Variants in SYTL3 observed in about 807,000 individuals in gnomAD.
SYTL3 encodes synaptotagmin like 3.
In SYTL3, 88 loss-of-function variants were observed where a neutral mutation model predicts 82.1. The ratio of observed to expected loss-of-function variants is 1.07; its 90% CI spans 0.90 to 1.28. SYTL3 has a LOEUF of 1.28. Among genes scored for constraint, SYTL3 ranks in the 50% most tolerant of loss-of-function variants. The probability of loss-of-function intolerance (pLI) is 0.00; values close to 1 mark genes in which losing one functional copy is unlikely to be tolerated. For synonymous variants in SYTL3, 311 were observed against 289.4 expected (o/e 1.07, Z -0.76); for missense variants, 831 against 757.6 (o/e 1.10, Z -1.14).
At chr6:158,729,112 T>C (rs780005441) in intron 11 of SYTL3, among the ~76,000 whole-genome samples, 1 of 152,214 alleles carries the variant, frequency 6.6e-6, no homozygotes, top group African/African-American at 2.4e-5. Context: ...TTGTGACGCA[T>C]GGTATAATAG....
intron 16 of SYTL3, 45 bp from the exon 17 acceptor site, chr6:158,763,259 G>T: frequency 6.3e-7 from 1 of 1,589,342 alleles, no homozygotes; most frequent in Non-Finnish European, 8.6e-7. Flanking sequence ...AGGAGAGAAG[G>T]CCGTGTGGAT....
At chr6:158,659,345 G>A (rs76270945) in intron 2 of SYTL3, among the ~76,000 whole-genome samples, 14,714 of 152,116 alleles carry the variant, frequency 0.097, 892 homozygotes, top group Non-Finnish European at 0.14. Flanking sequence ...GGAGTTGATC[G>A]TCTTAGTCTT....
intron 9 of SYTL3, among the ~76,000 whole-genome samples, chr6:158,714,871 G>C (rs13214272): frequency 0.3 from 46,310 of 152,066 alleles, 7,392 homozygotes; most frequent in African/African-American, 0.35. Flanking sequence ...TGAGCCCTGT[G>C]TCAGCTGTCA....
chr6:158,743,188 G>A (rs561779178), intron 11 of SYTL3, among the ~76,000 whole-genome samples: 1 of 152,286 alleles, frequency 6.6e-6, no homozygotes, highest in Non-Finnish European at 1.5e-5. Flanking sequence ...TGCAAGGAGA[G>A]TCAAGCAGGT....
chr6:158,703,137 G>C lies in SYTL3; in HGVS notation c.395-4093G>C, dbSNP rs1781521631. Among the ~76,000 whole-genome samples the C allele has an allele frequency of 9.1e-5, 12 of 132,178 alleles. No homozygotes were observed. In the Admixed American group the frequency reaches 1.1e-3, roughly 12 times the overall value. The allele number at this position is 132,178 out of a possible 152,430, so 86.7% of individuals were successfully genotyped here. A position where few individuals can be genotyped will look rare whatever the true frequency, so the allele number is the denominator to read the frequency against. On this transcript the variant is annotated intron_variant, in intron 6 of 17. Coordinates refer to ENST00000611299, the MANE Select transcript of SYTL3 (RefSeq NM_001242394.2). The stretch of plus-strand genomic sequence containing the variant: ...CCACTGTACTCCAGCCTGGGCGACA[G>C]AGCAAGACTCTGTCTTAAAAAAAAA...
chr6:158,648,514 C>A (rs1303833119), upstream of SYTL3, among the ~76,000 whole-genome samples: 2 of 150,994 alleles, frequency 1.3e-5, no homozygotes, highest in Non-Finnish European at 2.9e-5. Context: ...TAGCGTGAAC[C>A]CGGGAGGCGG....
chr6:158,763,257 A>C, intron 16 of SYTL3, 47 bp from the exon 17 acceptor site: 1 of 1,582,774 alleles, frequency 6.3e-7, no homozygotes, highest in Non-Finnish European at 8.7e-7. Context: ...TCAGGAGAGA[A>C]GGCCGTGTGG....
chr6:158,702,814 G>T (rs1463484395), intron 6 of SYTL3, among the ~76,000 whole-genome samples: 1 of 151,538 alleles, frequency 6.6e-6, no homozygotes, highest in Non-Finnish European at 1.5e-5. Flanking sequence ...TGTAGACGTT[G>T]TGACTTTGGG....
intron 11 of SYTL3, among the ~76,000 whole-genome samples, chr6:158,731,387 A>C (rs1453560120): frequency 6.6e-6 from 1 of 152,042 alleles, no homozygotes; most frequent in Non-Finnish European, 1.5e-5. Flanking sequence ...CTCATCAAAA[A>C]ATAAAAAGAA....
At chr6:158,688,998 A>G (rs946749545) in intron 6 of SYTL3, among the ~76,000 whole-genome samples, 15 of 152,262 alleles carry the variant, frequency 9.9e-5, no homozygotes, top group African/African-American at 3.6e-4. Context: ...GTCCATAAAT[A>G]TCATTGGCTA....
intron 6 of SYTL3, among the ~76,000 whole-genome samples, chr6:158,687,579 C>G (rs999831811): frequency 5.9e-5 from 9 of 152,304 alleles, no homozygotes; most frequent in African/African-American, 1.9e-4. Context: ...AATGGCGACA[C>G]CTCTCACTCT....
At chr6:158,736,278 G>A (rs1786151874) in intron 11 of SYTL3, among the ~76,000 whole-genome samples, 1 of 152,108 alleles carries the variant, frequency 6.6e-6, no homozygotes, top group South Asian at 2.1e-4. Flanking sequence ...ATGAACCCGG[G>A]AGGCAGAGTT....
intron 2 of SYTL3, among the ~76,000 whole-genome samples, chr6:158,655,928 G>A (rs1436633999): frequency 6.6e-6 from 1 of 152,170 alleles, no homozygotes; most frequent in Non-Finnish European, 1.5e-5. Context: ...GGAAGAGTGG[G>A]GCCGATGCGT....
Position 158,715,599 on chromosome 6 carries a change from T to TCACACACACACACACACGCACG in SYTL3, c.595+1725_595+1746dup, listed in dbSNP as rs1783284056. ...ATATGGAAAGCAGACTGAAACCGCATCACACACACACACACACGCACGCAC... is the reference window on the plus strand; with the variant it reads ...ATATGGAAAGCAGACTGAAACCGCATCACACACACACACACACGCACGCACACACACACACACACGCACGCAC... On this transcript the variant is annotated intron_variant, in intron 9 of 17. Transcript: ENST00000611299. Among the ~76,000 whole-genome samples, 8 of 116,442 alleles carry TCACACACACACACACACGCACG rather than the reference T, an allele frequency of 6.9e-5. No individual in the cohort carries two copies. The Admixed American group carries it at 6.9e-4, about 10-fold the overall frequency. 76.4% of individuals were successfully genotyped at this position (116,442 alleles called of 152,430 possible). A position where few individuals can be genotyped will look rare whatever the true frequency, so the allele number is the denominator to read the frequency against.
intron 11 of SYTL3, among the ~76,000 whole-genome samples, chr6:158,733,767 T>C (rs1054223650): frequency 4.6e-5 from 7 of 151,874 alleles, no homozygotes; most frequent in African/African-American, 1.7e-4. Context: ...TTCCCTCCAT[T>C]GTTCAGGTGT....
At chr6:158,706,815 T>A (rs1782153850) in intron 6 of SYTL3, among the ~76,000 whole-genome samples, 1 of 152,234 alleles carries the variant, frequency 6.6e-6, no homozygotes, top group Admixed American at 6.5e-5. Flanking sequence ...TTAATCTTCA[T>A]CACAAGGCAA....
chr6:158,683,444 C>T (rs1304711166), intron 6 of SYTL3, among the ~76,000 whole-genome samples: 2 of 152,100 alleles, frequency 1.3e-5, no homozygotes, highest in Non-Finnish European at 2.9e-5. Flanking sequence ...TGGTCTCGAT[C>T]TCCTGACCTC....
intron 6 of SYTL3, among the ~76,000 whole-genome samples, chr6:158,686,987 T>A (rs942245188): frequency 6.6e-6 from 1 of 152,206 alleles, no homozygotes; most frequent in Non-Finnish European, 1.5e-5. Flanking sequence ...TCTCTAGTGT[T>A]TTTGTTGTCA....
intron 10 of SYTL3, among the ~76,000 whole-genome samples, chr6:158,719,246 C>G (rs1242223273): frequency 6.6e-6 from 1 of 152,190 alleles, no homozygotes; most frequent in Non-Finnish European, 1.5e-5. Flanking sequence ...ATCTTCATAA[C>G]CACCATCTAG....
Sources: gnomAD v4.1 joint callset for allele counts (sites outside exome capture counted in the v4.1 genomes callset) on GRCh38, gnomAD v4.1.1 for gene constraint, MANE v1.5 for transcripts, NCBI Gene and HGNC (gene_info 2026-07-23, HGNC 2026-07-21) for gene names.